The following NSUN3 variants were observed in gnomAD, a reference collection of about 807,000 sequenced individuals.
NSUN3 encodes tRNA (cytosine(34)-C(5))-methyltransferase, mitochondrial.
In NSUN3, 24 loss-of-function variants were observed where a neutral mutation model predicts 36.8. The ratio of observed to expected loss-of-function variants is 0.65; its 90% CI spans 0.47 to 0.92. The LOEUF (loss-of-function observed/expected upper bound fraction) is 0.92. NSUN3 is among the 40% of genes least tolerant of loss of function. The pLI is 0.00. For synonymous variants in NSUN3, 146 were observed against 145.2 expected (o/e 1.01, Z -0.04); for missense variants, 381 against 392.8 (o/e 0.97, Z 0.25).
chr3:94,096,688 G>A (rs1051469102), intron 5 of NSUN3, among the ~76,000 whole-genome samples: 1 of 151,712 alleles, frequency 6.6e-6, no homozygotes, highest in African/African-American at 2.4e-5. Flanking sequence ...TAGTAGAGAC[G>A]GGGGTTTCAC....
At chr3:94,101,726 A>T (rs999280639) in intron 5 of NSUN3, among the ~76,000 whole-genome samples, 38 of 152,286 alleles carry the variant, frequency 2.5e-4, no homozygotes, top group African/African-American at 8.7e-4. Flanking sequence ...TCTCAAAATA[A>T]TTTTTGAGCC....
At chr3:94,078,494 T>C (rs1340864637) in intron 2 of NSUN3, among the ~76,000 whole-genome samples, 3 of 152,166 alleles carry the variant, frequency 2.0e-5, no homozygotes, top group African/African-American at 7.2e-5. Flanking sequence ...AATATCCTTG[T>C]TAATTTTCTG....
At chr3:94,072,617 G>A (rs973943025) in intron 2 of NSUN3, among the ~76,000 whole-genome samples, 25 of 152,148 alleles carry the variant, frequency 1.6e-4, no homozygotes, top group Non-Finnish European at 2.6e-4. Flanking sequence ...GGCCGGGCAT[G>A]TGGAGATCAG....
Position 94,126,787 on chromosome 3 carries a change from A to G in NSUN3, c.*297A>G, listed in dbSNP as rs193126413. ...TTAATTAGAATATGTGGTTTTATGC[A>G]TAACGTGTTTAGTTCTGTATTCTTT... On this transcript the variant is annotated 3_prime_UTR_variant, in exon 6 of 6. Coordinates refer to ENST00000314622, the MANE Select transcript of NSUN3 (RefSeq NM_022072.5). The G allele has an allele frequency of 9.1e-4, 229 of 252,936 alleles. 1 individual carries two copies. The highest frequency in any genetic ancestry group is 8.5e-4 in the East Asian group (11 of 12,880). 15.7% of individuals were successfully genotyped at this position (252,936 alleles called of 1,614,324 possible). A position where few individuals can be genotyped will look rare whatever the true frequency, so the allele number is the denominator to read the frequency against.
At chr3:94,106,839 T>G (rs1425575099) in intron 5 of NSUN3, among the ~76,000 whole-genome samples, 1 of 151,024 alleles carries the variant, frequency 6.6e-6, no homozygotes, top group Non-Finnish European at 1.5e-5. Flanking sequence ...AAGTCAACAA[T>G]GTAGTATTAA....
At chr3:94,076,911 T>C in intron 2 of NSUN3, 1 of 1,304,252 alleles carries the variant, frequency 7.7e-7, no homozygotes, top group Non-Finnish European at 1.1e-6. Context: ...GCATCATCAT[T>C]AGGGAGTTGC....
intron 5 of NSUN3, 60 bp from the exon 6 acceptor site, chr3:94,126,151 C>A (rs961087253): frequency 7.8e-6 from 11 of 1,419,114 alleles, no homozygotes; most frequent in Non-Finnish European, 1.1e-5. Context: ...TGCTGTCAGA[C>A]CCCCTGGTTT....
intron 3 of NSUN3, among the ~76,000 whole-genome samples, chr3:94,088,524 C>T (rs2077301969): frequency 6.6e-6 from 1 of 152,050 alleles, no homozygotes; most frequent in South Asian, 2.1e-4. Flanking sequence ...TACCAAATTG[C>T]CTAAGGTAAC....
intron 5 of NSUN3, among the ~76,000 whole-genome samples, chr3:94,114,353 T>C (rs933765480): frequency 2.0e-5 from 3 of 152,324 alleles, no homozygotes; most frequent in Non-Finnish European, 4.4e-5. Context: ...CAGAGTCTTT[T>C]TGTGACCTTC....
chr3:94,125,438 T>A (rs1398116090), intron 5 of NSUN3, among the ~76,000 whole-genome samples: 1 of 152,160 alleles, frequency 6.6e-6, no homozygotes, highest in African/African-American at 2.4e-5. Flanking sequence ...TGATTTGGGG[T>A]CTAAAACCCA....
chr3:94,071,322 T>C (rs532007304), intron 2 of NSUN3, among the ~76,000 whole-genome samples: 1 of 152,126 alleles, frequency 6.6e-6, no homozygotes, highest in Non-Finnish European at 1.5e-5. Flanking sequence ...TAGAGAAGCA[T>C]GATAGGGTGA....
At position 94,131,124 on chromosome 3, in the gene NSUN3, A is replaced by T. The variant is rs1222101022; in HGVS notation, c.*4634A>T. Among the ~76,000 whole-genome samples, 2 of 151,794 alleles carry T rather than the reference A, an allele frequency of 1.3e-5. No individual in the cohort carries two copies. The highest frequency in any genetic ancestry group is 4.8e-5 in the African/African-American group (2 of 41,254). ...ATTATTATTGTAGAGATGTGACCTC[A>T]CCAGGCTGGTTTCAAACCCCTGGCC... On this transcript the variant is annotated 3_prime_UTR_variant, in exon 6 of 6. Transcript: ENST00000314622.
rs1053499647 is a variant in NSUN3, at chr3:94,127,907, T to C, written c.*1417T>C. 1 of 152,180 alleles carries C rather than the reference T, an allele frequency of 6.6e-6. No homozygotes were observed. Among genetic ancestry groups the C allele is most frequent in the Admixed American group, 6.5e-5 (1 of 15,278 alleles). 9.4% of individuals were successfully genotyped at this position (152,180 alleles called of 1,614,324 possible). A position where few individuals can be genotyped will look rare whatever the true frequency, so the allele number is the denominator to read the frequency against. ...TCTGTTAATCATTTGTTTTCCTTTA[T>C]GTCCAATTGATATGTTTAAAGTAAA... On this transcript the variant is annotated 3_prime_UTR_variant, in exon 6 of 6. Transcript: ENST00000314622.
At position 94,064,566 on chromosome 3, in the gene NSUN3, A is replaced by T; in HGVS notation, c.122+20A>T. On this transcript the variant is annotated intron_variant, in intron 2 of 5. Transcript: ENST00000314622. ...AGTAAGGTTAGTATAATTCATCTCG[A>T]TGCTTTATGATGGAACAAAGTACAA... 1 of 1,380,156 alleles carries T rather than the reference A, an allele frequency of 7.2e-7. No homozygotes were observed. The highest frequency in any genetic ancestry group is 1.0e-6 in the Non-Finnish European group (1 of 968,608). 85.5% of individuals were successfully genotyped at this position (1,380,156 alleles called of 1,614,324 possible).
chr3:94,109,603 C>G (rs1039815135), intron 5 of NSUN3, among the ~76,000 whole-genome samples: 1 of 152,202 alleles, frequency 6.6e-6, no homozygotes, highest in Non-Finnish European at 1.5e-5. Flanking sequence ...CACGTCTCTT[C>G]TCTGCACATC....
rs995901345 is a variant in NSUN3, at chr3:94,130,048, C to A, written c.*3558C>A. 3.3e-5 allele frequency among the ~76,000 whole-genome samples: 5 copies of A among 152,094 alleles called. No homozygotes were observed. The highest frequency in any genetic ancestry group is 4.8e-5 in the African/African-American group (2 of 41,416). ...GGATTACAGGCGTGAGCCACCACAC[C>A]CACTGTGTATGTTGTCTTTATTGAT... is the stretch of plus-strand genomic sequence containing the variant. On this transcript the variant is annotated 3_prime_UTR_variant, in exon 6 of 6. Transcript: ENST00000314622.
intron 5 of NSUN3, among the ~76,000 whole-genome samples, chr3:94,118,639 A>C (rs1352347537): frequency 6.6e-6 from 1 of 152,116 alleles, no homozygotes; most frequent in Non-Finnish European, 1.5e-5. Flanking sequence ...ATACTATACT[A>C]TTATGCAGAA....
chr3:94,105,242 G>A (rs2077383902), intron 5 of NSUN3, among the ~76,000 whole-genome samples: 1 of 152,084 alleles, frequency 6.6e-6, no homozygotes, highest in Non-Finnish European at 1.5e-5. Flanking sequence ...CTTTCTGTGG[G>A]AACAACGACT....
chr3:94,097,189 A>G (rs1413517227), intron 5 of NSUN3, among the ~76,000 whole-genome samples: 1 of 152,210 alleles, frequency 6.6e-6, no homozygotes, highest in Non-Finnish European at 1.5e-5. Context: ...AACCATTTTC[A>G]TTGTAAAAAA....
Sources: gnomAD v4.1 joint callset for allele counts (sites outside exome capture counted in the v4.1 genomes callset) on GRCh38, gnomAD v4.1.1 for gene constraint, MANE v1.5 for transcripts, NCBI Gene and HGNC (gene_info 2026-07-23, HGNC 2026-07-21) for gene names.